The following STMN1 variants were observed in gnomAD, a reference collection of about 807,000 sequenced individuals.
STMN1 encodes the protein stathmin 1.
A neutral mutation model predicts 19.7 loss-of-function variants in STMN1; 3 were observed. The ratio of observed to expected loss-of-function variants is 0.15; its 90% CI spans 0.07 to 0.39. The LOEUF is 0.39. STMN1 is among the 10% of genes least tolerant of loss of function. The pLI is 1.00. For missense variants in STMN1, 99 were observed against 176.0 expected, an observed-to-expected ratio of 0.56 and a Z score of 2.48; for synonymous variants, 59 against 58.9, an observed-to-expected ratio of 1.00 and a Z score of -0.01.
intron 4 of STMN1, among the ~76,000 whole-genome samples, chr1:25,886,118 G>T (rs1048710938): frequency 6.6e-6 from 1 of 152,162 alleles, no homozygotes; most frequent in African/African-American, 2.4e-5. Context: ...AACGGGGTGT[G>T]GGGAGGAGGT....
In STMN1 at chr1:25,900,446, T is replaced by A. The variant is rs2048858661; in HGVS notation, c.*570A>T. 9 of 985,688 alleles carry A rather than the reference T, an allele frequency of 9.1e-6. No homozygotes were observed. Among genetic ancestry groups the A allele is most frequent in the Non-Finnish European group, 9.6e-6 (8 of 829,982 alleles). The allele number at this position is 985,688 out of a possible 1,614,324, so 61.1% of individuals were successfully genotyped here. On this transcript the variant is annotated 3_prime_UTR_variant, in exon 5 of 5. Transcript: ENST00000455785. ...GGGGCAAGAAACGGGGCAGAGAACG[T>A]GCGGTCATTTGTGCGTTGGGTATTT...
At chr1:25,895,850 G>A (rs1454264873), downstream of STMN1, among the ~76,000 whole-genome samples, 1 of 152,236 alleles carries the variant, frequency 6.6e-6, no homozygotes, top group African/African-American at 2.4e-5. Flanking sequence ...CAAAGCTGGT[G>A]CAGACCCTTC....
At position 25,900,361 on chromosome 1, in the gene STMN1, C is replaced by A; in HGVS notation, c.*655G>T. ...ACATCTGAAAGAAAGTAACAGCTGACCTGGGCTGAGGCATCCAAACAAAGC... is the reference window on the plus strand; with the variant it reads ...ACATCTGAAAGAAAGTAACAGCTGAACTGGGCTGAGGCATCCAAACAAAGC... On this transcript the variant is annotated 3_prime_UTR_variant, in exon 5 of 5. Coordinates refer to ENST00000455785, the MANE Select transcript of STMN1 (RefSeq NM_005563.4). 1.0e-6 allele frequency: 1 copy of A among 985,820 alleles called. No homozygotes were observed. The highest frequency in any genetic ancestry group is 1.2e-6 in the Non-Finnish European group (1 of 829,946). The allele number at this position is 985,820 out of a possible 1,614,324, so 61.1% of individuals were successfully genotyped here.
In STMN1 at chr1:25,900,159, G is replaced by A. The variant is rs900159173; in HGVS notation, c.*857C>T. 6.1e-6 allele frequency: 6 copies of A among 985,650 alleles called. No individual in the cohort carries two copies. Among genetic ancestry groups the A allele is most frequent in the Non-Finnish European group, 7.2e-6 (6 of 829,920 alleles). 61.1% of individuals were successfully genotyped at this position (985,650 alleles called of 1,614,324 possible). On this transcript the variant is annotated 3_prime_UTR_variant, in exon 5 of 5. Transcript: ENST00000455785. ...AAGTTTTATTAATATTCTGATTCTC[G>A]TGTCATAGCTTTTATGGCAGGAAAG...
At chr1:25,901,117 C>CAAAAAAAAAAAA in intron 4 of STMN1, 30 bp from the exon 5 acceptor site, 1 of 1,201,880 alleles carries the variant, frequency 8.3e-7, no homozygotes, top group South Asian at 2.0e-5. Context: ...TGTCATCAGT[C>CAAAAAAAAAAAA]AAAAAAAAAA....
At chr1:25,901,114 AGT>A in intron 4 of STMN1, 27 bp from the exon 5 acceptor site, 4 of 1,393,080 alleles carry the variant, frequency 2.9e-6, no homozygotes, top group Admixed American at 2.5e-5. Context: ...AGGTGTCATC[AGT>A]CAAAAAAAAA....
Position 25,903,625 on chromosome 1 carries a change from G to C in STMN1, c.186+16C>G, listed in dbSNP as rs1160620983. ...CATAAATTAATATCCTGCTTTCTGT[G>C]AATTGCTTCGTTTACCTTGCGTCTT... On this transcript the variant is annotated intron_variant, in intron 3 of 4. Transcript: ENST00000455785. 5.0e-6 allele frequency: 8 copies of C among 1,609,830 alleles called. No homozygotes were observed. Among genetic ancestry groups the C allele is most frequent in the Non-Finnish European group, 6.8e-6 (8 of 1,179,412 alleles).
intron 1 of STMN1, among the ~76,000 whole-genome samples, chr1:25,905,645 G>C (rs2048933048): frequency 6.6e-6 from 1 of 152,068 alleles, no homozygotes; most frequent in Non-Finnish European, 1.5e-5. Flanking sequence ...GGGGAGGGGT[G>C]GGCGGGGCTA....
chr1:25,901,073 T>C lies in STMN1; in HGVS notation c.393A>G (p.Glu131=), dbSNP rs2048866434. Residue 131 remains glutamate (E), a synonymous_variant, in exon 5 of 5, where the codon GAA becomes GAG. Transcript: ENST00000455785. ...TGGATTCTTTGTTCTTCCGCACTTC[T>C]TCAATGTGCTTATCCTGTAAAGGAA... The part of the protein sequence containing the change: ...ERLREKDKHI[E]EVRKNKESKD... 3 of 1,612,066 alleles carry C rather than the reference T, an allele frequency of 1.9e-6. No homozygotes were observed. In the South Asian group the frequency reaches 3.3e-5, roughly 18 times the overall value.
At chr1:25,888,643 T>C (rs1232899140) in intron 4 of STMN1, among the ~76,000 whole-genome samples, 1 of 152,142 alleles carries the variant, frequency 6.6e-6, no homozygotes, top group Non-Finnish European at 1.5e-5. Context: ...AAAGCCACAA[T>C]GGGCCAGGTG....
intron 4 of STMN1, among the ~76,000 whole-genome samples, chr1:25,891,331 T>TAA (rs34481251): frequency 2.8e-5 from 4 of 144,840 alleles, no homozygotes; most frequent in African/African-American, 5.2e-5. Context: ...AACTCCATCT[T>TAA]AAAAAAAAAA....
intron 1 of STMN1, chr1:25,905,201 CAAT>C (rs2048924393): frequency 6.5e-6 from 1 of 152,746 alleles, no homozygotes. Context: ...TAATAGTAAC[CAAT>C]AATGTTGAAC....
exon 5 of STMN1, chr1:25,885,518 C>A: frequency 3.4e-6 from 2 of 596,858 alleles, no homozygotes; most frequent in Non-Finnish European, 5.4e-6. Context: ...AACCACAAGG[C>A]AGGCATTTTC....
At chr1:25,887,546 A>G (rs1255030453) in intron 4 of STMN1, 1 of 281,776 alleles carries the variant, frequency 3.5e-6, no homozygotes, top group South Asian at 4.3e-5. Flanking sequence ...TGAAGTTTTA[A>G]TATGGTATAA....
intron 4 of STMN1, 118 bp from the exon 5 acceptor site, chr1:25,901,205 TACA>T: frequency 2.7e-6 from 4 of 1,502,720 alleles, no homozygotes; most frequent in Non-Finnish European, 3.5e-6. Context: ...GTGCATATAT[TACA>T]GCCTGTGGGA....
At chr1:25,900,029 C>G (rs1408094794), downstream of STMN1, 1 of 940,620 alleles carries the variant, frequency 1.1e-6, no homozygotes, top group Non-Finnish European at 1.3e-6. Flanking sequence ...CCTCTGGATA[C>G]AAGATGACGT....
intron 1 of STMN1, 51 bp from the exon 2 acceptor site, chr1:25,904,789 G>A: frequency 2.8e-6 from 4 of 1,447,726 alleles, no homozygotes; most frequent in Non-Finnish European, 3.7e-6. Flanking sequence ...CTTTCTATAT[G>A]TCATCAACCC....
intron 4 of STMN1, chr1:25,892,456 A>G: frequency 1.3e-6 from 1 of 749,872 alleles, no homozygotes; most frequent in Non-Finnish European, 1.6e-6. Context: ...TGTATTTGAG[A>G]CCATCACTAC....
At chr1:25,904,861 AAATT>A (rs1435322908) in intron 1 of STMN1, 123 bp from the exon 2 acceptor site, 11 of 555,582 alleles carry the variant, frequency 2.0e-5, no homozygotes, top group African/African-American at 1.2e-4. Context: ...AAAGACGTCT[AAATT>A]AACCACGAAA....
Sources: allele counts gnomAD v4.1 joint callset (sites outside exome capture counted in the v4.1 genomes callset), GRCh38; gene constraint gnomAD v4.1.1; transcripts MANE v1.5; gene names NCBI Gene and HGNC (gene_info 2026-07-23, HGNC 2026-07-21).